RANBP2: variants seen among roughly 807,000 people sequenced by gnomAD.
RANBP2 encodes RAN binding protein 2.
Under a neutral mutation model 303.6 loss-of-function variants are expected in RANBP2, and 57 were observed. The observed-to-expected ratio is 0.19, with a 90% CI of 0.15 to 0.23. The LOEUF (loss-of-function observed/expected upper bound fraction) is 0.23, where lower values mean the gene tolerates loss of function less well. Ranked by LOEUF, RANBP2 falls within the 10% of genes least tolerant of loss-of-function variation. The pLI is 1.00. For missense variants in RANBP2, 3,138 were observed against 3,780.8 expected (o/e 0.83, Z 4.46); for synonymous variants, 1,167 against 1,301.5 (o/e 0.90, Z 2.23).
At chr2:109,351,099 A>G in the RANBP2 span, among the ~76,000 whole-genome samples, 1 of 152,256 alleles carries the variant, frequency 6.6e-6, no homozygotes, top group East Asian at 1.9e-4. Flanking sequence ...AGCTTTAAAA[A>G]GTGATATTTT....
chr2:109,544,260 A>T, the RANBP2 span: 10 of 1,612,578 alleles, frequency 6.2e-6, no homozygotes, highest in Admixed American at 1.5e-4. Context: ...GTTTTTTTTT[A>T]ATAAAGTTTG....
downstream of RANBP2, chr2:108,786,971 C>T: frequency 8.1e-7 from 1 of 1,230,310 alleles, no homozygotes; most frequent in Non-Finnish European, 1.1e-6. Flanking sequence ...GGGCGGCCCG[C>T]TCCGTGCCCC....
the RANBP2 span, among the ~76,000 whole-genome samples, chr2:109,711,630 C>A: frequency 2.0e-5 from 3 of 152,182 alleles, no homozygotes; most frequent in Admixed American, 6.5e-5. Flanking sequence ...CCTGAGGAAG[C>A]CTCGCTGGCC....
At chr2:108,980,129 G>A in the RANBP2 span, among the ~76,000 whole-genome samples, 3 of 151,894 alleles carry the variant, frequency 2.0e-5, no homozygotes, top group Non-Finnish European at 4.4e-5. Context: ...GTGGGGGGCT[G>A]GGCAAGTCAC....
the RANBP2 span, among the ~76,000 whole-genome samples, chr2:109,075,414 C>CG: frequency 6.7e-6 from 1 of 150,004 alleles, no homozygotes; most frequent in Non-Finnish European, 1.5e-5. Context: ...TAAGTAGAGA[C>CG]GGGGTTTCAC....
the RANBP2 span, among the ~76,000 whole-genome samples, chr2:109,184,877 G>T: frequency 6.6e-6 from 1 of 152,204 alleles, no homozygotes. Flanking sequence ...ATTGAAGCTG[G>T]TCCCTCAGCG....
the RANBP2 span, among the ~76,000 whole-genome samples, chr2:109,481,546 AG>A: frequency 1.4e-3 from 208 of 152,136 alleles, 1 homozygote; most frequent in African/African-American, 4.5e-3. Flanking sequence ...GTAGATGCGT[AG>A]CTGGCTGTCC....
At chr2:108,831,373 A>G in the RANBP2 span, among the ~76,000 whole-genome samples, 1 of 152,172 alleles carries the variant, frequency 6.6e-6, no homozygotes, top group African/African-American at 2.4e-5. Flanking sequence ...TTTTAGTAGG[A>G]CAAAATATGC....
At chr2:109,563,278 T>C in the RANBP2 span, among the ~76,000 whole-genome samples, 48 of 152,192 alleles carry the variant, frequency 3.2e-4, no homozygotes, top group African/African-American at 1.1e-3. Flanking sequence ...CTCCATAGAC[T>C]GAAGAAATTT....
At chr2:109,100,087 G>A in the RANBP2 span, among the ~76,000 whole-genome samples, 3 of 152,206 alleles carry the variant, frequency 2.0e-5, no homozygotes, top group Admixed American at 2.0e-4. Flanking sequence ...TCAAGTGTGA[G>A]GGGAGATTAA....
At chr2:109,154,077 C>T in the RANBP2 span, among the ~76,000 whole-genome samples, 3 of 152,152 alleles carry the variant, frequency 2.0e-5, no homozygotes, top group Non-Finnish European at 4.4e-5. Flanking sequence ...AAAGTATGAA[C>T]ACTGTCAATA....
At chr2:109,732,547 C>A in the RANBP2 span, among the ~76,000 whole-genome samples, 1 of 124,108 alleles carries the variant, frequency 8.1e-6, no homozygotes, top group South Asian at 2.6e-4. Flanking sequence ...GGTGTAGTCT[C>A]GGCTTACTGC....
the RANBP2 span, among the ~76,000 whole-genome samples, chr2:109,276,358 C>T: frequency 6.6e-6 from 1 of 152,098 alleles, no homozygotes; most frequent in Non-Finnish European, 1.5e-5. Context: ...AAATATGTGT[C>T]CCGTAGTAGA....
At chr2:109,147,171 C>T in the RANBP2 span, among the ~76,000 whole-genome samples, 2 of 152,104 alleles carry the variant, frequency 1.3e-5, no homozygotes, top group East Asian at 1.9e-4. Context: ...CTGGCACTTC[C>T]TCAAGGTGCC....
chr2:109,021,440 G>GT, the RANBP2 span, among the ~76,000 whole-genome samples: 1 of 151,436 alleles, frequency 6.6e-6, no homozygotes, highest in Non-Finnish European at 1.5e-5. Context: ...GGAGAATGGC[G>GT]TGAACCCGGG....
chr2:108,793,674 G>A, the RANBP2 span, among the ~76,000 whole-genome samples: 1 of 151,458 alleles, frequency 6.6e-6, no homozygotes, highest in Non-Finnish European at 1.5e-5. Context: ...TGGGCTCACT[G>A]TAAGCTCCGC....
chr2:108,824,583 G>A, the RANBP2 span, among the ~76,000 whole-genome samples: 1 of 152,096 alleles, frequency 6.6e-6, no homozygotes, highest in Non-Finnish European at 1.5e-5. Context: ...GCCTGAGGCT[G>A]TTTTACATTT....
the RANBP2 span, among the ~76,000 whole-genome samples, chr2:109,542,263 AT>A: frequency 6.6e-6 from 1 of 152,214 alleles, no homozygotes; most frequent in African/African-American, 2.4e-5. Context: ...AAAATCTTAC[AT>A]GGAACCCAAA....
the RANBP2 span, among the ~76,000 whole-genome samples, chr2:109,272,103 C>T: frequency 1.3e-5 from 2 of 152,206 alleles, no homozygotes; most frequent in Non-Finnish European, 2.9e-5. Flanking sequence ...CAGGGCAGCC[C>T]GTCTGCCTCT....
Sources: allele counts gnomAD v4.1 joint callset (sites outside exome capture counted in the v4.1 genomes callset), GRCh38; gene constraint gnomAD v4.1.1; transcripts MANE v1.5; gene names NCBI Gene and HGNC (gene_info 2026-07-23, HGNC 2026-07-21).